The following FHIP1B variants were observed in gnomAD, a reference collection of about 807,000 sequenced individuals.
FHIP1B encodes FHF complex subunit HOOK-interacting protein 1B.
FHIP1B carries 28 observed loss-of-function variants against 82.2 expected under a neutral mutation model. The observed-to-expected ratio is 0.34, with a 90% CI of 0.25 to 0.47. The LOEUF is 0.47. FHIP1B is among the 20% of genes least tolerant of loss of function. The pLI, the probability that FHIP1B is intolerant of heterozygous loss-of-function variation, is 1.00. For missense variants in FHIP1B, 1,110 were observed against 1,262.6 expected (o/e 0.88, Z 1.83); for synonymous variants, 585 against 516.1 (o/e 1.13, Z -1.81).
intron 9 of FHIP1B, among the ~76,000 whole-genome samples, chr11:6,216,093 A>G (rs1847218217): frequency 6.6e-6 from 1 of 152,268 alleles, no homozygotes; most frequent in African/African-American, 2.4e-5. Flanking sequence ...GCTTCAATTA[A>G]TACTTCAAGA....
At chr11:6,213,422 T>C (rs950944640) in intron 11 of FHIP1B, among the ~76,000 whole-genome samples, 1 of 152,222 alleles carries the variant, frequency 6.6e-6, no homozygotes, top group African/African-American at 2.4e-5. Context: ...CAAAAAGCCT[T>C]TTCCTGTCCA....
At chr11:6,211,954 T>C in intron 11 of FHIP1B, 87 bp from the exon 12 acceptor site, 4 of 1,474,734 alleles carry the variant, frequency 2.7e-6, no homozygotes, top group East Asian at 2.4e-5. Flanking sequence ...CCCCCTAGGT[T>C]CTTGGACTTC....
chr11:6,211,738 C>T lies in FHIP1B; in HGVS notation c.2687G>A (p.Gly896Asp), dbSNP rs370304342. Reference sequence around the variant, plus strand: ...AACTGGAGTTGAAGCCCCAGGGGAGCCCCCACTTAGGCCAAGTCCTGCTCC... The same window carrying T: ...AACTGGAGTTGAAGCCCCAGGGGAGTCCCCACTTAGGCCAAGTCCTGCTCC... ...RDGAGLGLSGGSPGASTPVLL... is the reference protein window; with the variant it reads ...RDGAGLGLSGDSPGASTPVLL... The change falls in exon 12 of 12, where the codon GGC becomes GAC. Residue 896 changes from glycine (G) to aspartate (D), a missense_variant. Physicochemically the swap from Gly to Asp is moderately conservative, Grantham distance 94. Around this residue, in one of 6 missense-constraint regions of FHIP1B, gnomAD observed 147 missense variants for 154.0 expected, o/e 0.95. Transcript: ENST00000449352. 3 of 1,614,084 alleles carry T rather than the reference C, an allele frequency of 1.9e-6. No individual in the cohort carries two copies. Among genetic ancestry groups the T allele is most frequent in the African/African-American group, 2.7e-5 (2 of 74,958 alleles).
intron 9 of FHIP1B, chr11:6,216,541 T>C (rs1222619321): frequency 6.4e-6 from 1 of 155,686 alleles, no homozygotes; most frequent in Non-Finnish European, 1.4e-5. Flanking sequence ...GTGGGTTTGT[T>C]TTTTGTTTGG....
intron 1 of FHIP1B, among the ~76,000 whole-genome samples, chr11:6,226,433 TA>T (rs1444695360): frequency 6.6e-6 from 1 of 152,206 alleles, no homozygotes; most frequent in Non-Finnish European, 1.5e-5. Flanking sequence ...ACAAATATTG[TA>T]AATAGAAGTA....
Position 6,224,474 on chromosome 11 carries a change from G to C in FHIP1B, c.43C>G (p.Pro15Ala), listed in dbSNP as rs1847508651. The C allele has an allele frequency of 2.5e-6, 4 of 1,614,008 alleles. No individual in the cohort carries two copies. Among genetic ancestry groups the C allele is most frequent in the Non-Finnish European group, 3.4e-6 (4 of 1,179,934 alleles). Residue 15 changes from proline to alanine, a missense_variant, in exon 2 of 12, where the codon CCT (proline) becomes GCT (alanine). By Grantham distance (27) the Pro-to-Ala change is conservative. Coordinates refer to ENST00000449352, the MANE Select transcript of FHIP1B (RefSeq NM_001098794.2). ...GCCCCTTGAGGTATACGGTGCCCAG[G>C]GCCCCGGGAGGCCAGTCTGCTCAGC... ...NWLSRLASRG[P>A]GHRIPQGANL...
intron 11 of FHIP1B, 46 bp from the exon 12 acceptor site, chr11:6,211,913 C>T: frequency 6.7e-7 from 1 of 1,495,224 alleles, no homozygotes; most frequent in South Asian, 1.4e-5. Context: ...ATCAGGGAAC[C>T]TCCCTTGGAC....
In FHIP1B at chr11:6,223,404, G is replaced by A. The variant is rs1433298601; in HGVS notation, c.778-166C>T. 2.6e-5 allele frequency among the ~76,000 whole-genome samples: 4 copies of A among 152,294 alleles called. No individual in the cohort carries two copies. The highest frequency in any genetic ancestry group is 2.6e-4 in the Admixed American group (4 of 15,304). Reference sequence around the variant, plus strand: ...GCCTGAAACTCACCTAGAATTCACAGGCCTACAAAGAGACTTAGTATCTGC... The same window carrying A: ...GCCTGAAACTCACCTAGAATTCACAAGCCTACAAAGAGACTTAGTATCTGC... On this transcript the variant is annotated intron_variant, in intron 3 of 11. Coordinates refer to ENST00000449352, the MANE Select transcript of FHIP1B (RefSeq NM_001098794.2). This position sits in a 1 kb window ranked among gnomAD's most constrained non-coding sequence, Gnocchi z 4.8.
Position 6,214,395 on chromosome 11 carries a change from G to C in FHIP1B, c.2557+16C>G. 6.3e-7 allele frequency: 1 copy of C among 1,593,774 alleles called. No individual in the cohort carries two copies. Among genetic ancestry groups the C allele is most frequent in the Middle Eastern group, 2.1e-4 (1 of 4,834 alleles). On this transcript the variant is annotated intron_variant, in intron 11 of 11. Transcript: ENST00000449352. Reference sequence around the variant, plus strand: ...TCTAGGGAGGGCAGGTACGGGTGTGGTGGGATAGGCCTCACCTAGGGGATC... The same window carrying C: ...TCTAGGGAGGGCAGGTACGGGTGTGCTGGGATAGGCCTCACCTAGGGGATC...
Position 6,224,402 on chromosome 11 carries a change from C to A in FHIP1B, c.115G>T (p.Val39Phe). Residue 39 changes from valine (V) to phenylalanine (F), a missense_variant, in exon 2 of 12, where the codon GTC becomes TTC. Val to Phe is a conservative substitution (Grantham distance 50, BLOSUM62 -1). This residue lies in a region of FHIP1B where 467 missense variants were observed against 602.9 expected (regional missense o/e 0.77). Coordinates refer to ENST00000449352, the MANE Select transcript of FHIP1B (RefSeq NM_001098794.2). Reference sequence around the variant, plus strand: ...ACCTGGGACCAGTGATTCTTGAAGACCATGAGGCAGGTCTCGGGATCAGCC... The same window carrying A: ...ACCTGGGACCAGTGATTCTTGAAGAACATGAGGCAGGTCTCGGGATCAGCC... ...VMADPETCLMVFKNHWSQVVR... is the reference protein window; with the variant it reads ...VMADPETCLMFFKNHWSQVVR... The A allele has an allele frequency of 6.2e-7, 1 of 1,614,194 alleles. No individual in the cohort carries two copies. Among genetic ancestry groups the A allele is most frequent in the Non-Finnish European group, 8.5e-7 (1 of 1,180,044 alleles).
intron 11 of FHIP1B, among the ~76,000 whole-genome samples, chr11:6,213,312 T>C (rs1357284259): frequency 6.6e-6 from 1 of 152,254 alleles, no homozygotes; most frequent in African/African-American, 2.4e-5. Context: ...TAGTAAATAA[T>C]GAATGATGTG....
Position 6,222,549 on chromosome 11 carries a change from A to G in FHIP1B, c.1084T>C (p.Ser362Pro). ...AAGGTACGGAGCAAAGCAGGCTCTG[A>G]GATACTCCGTAGGAAAAGTTCCAGA... ...AYLELFLRSI[S>P]EPALLRTFLR... is the part of the protein sequence containing the mutation. Residue 362 changes from serine (S) to proline (P), a missense_variant, in exon 6 of 12, where the codon TCA (serine) becomes CCA (proline). Physicochemically the swap from Ser to Pro is moderately conservative, Grantham distance 74. Coordinates refer to ENST00000449352, the MANE Select transcript of FHIP1B (RefSeq NM_001098794.2). The G allele has an allele frequency of 6.2e-7, 1 of 1,614,124 alleles. No individual in the cohort carries two copies. The highest frequency in any genetic ancestry group is 8.5e-7 in the Non-Finnish European group (1 of 1,180,006).
In FHIP1B at chr11:6,211,514, T is replaced by C; in HGVS notation, c.2911A>G (p.Asn971Asp). 4 of 1,593,962 alleles carry C rather than the reference T, an allele frequency of 2.5e-6. No individual in the cohort carries two copies. The highest frequency in any genetic ancestry group is 3.4e-6 in the Non-Finnish European group (4 of 1,171,682). Residue 971 changes from asparagine to aspartate, a missense_variant, in exon 12 of 12, where the codon AAT (asparagine) becomes GAT (aspartate). Around this residue, in one of 6 missense-constraint regions of FHIP1B, gnomAD observed 29 missense variants for 21.5 expected, o/e 1.35. Coordinates refer to ENST00000449352, the MANE Select transcript of FHIP1B (RefSeq NM_001098794.2). ...TTGTCCATGGAAGAAAGTTAAGGAT[T>C]GAGGGGCCCACAGCCTGAGATGAGA... The part of the protein sequence containing the change: ...GPLISGCGPL[N>D]P
At chr11:6,213,447 C>T (rs774932599) in intron 11 of FHIP1B, among the ~76,000 whole-genome samples, 5 of 152,192 alleles carry the variant, frequency 3.3e-5, no homozygotes, top group Non-Finnish European at 7.3e-5. Flanking sequence ...TAATCTTTTT[C>T]TATTGCTCTC....
At chr11:6,211,928 AG>A in intron 11 of FHIP1B, 61 bp from the exon 12 acceptor site, 1 of 1,484,738 alleles carries the variant, frequency 6.7e-7, no homozygotes. Flanking sequence ...TTGGACTGAG[AG>A]GGGAGATTCC....
intron 6 of FHIP1B, 79 bp downstream of exon 6, chr11:6,222,363 A>G: frequency 6.7e-7 from 1 of 1,499,132 alleles, no homozygotes; most frequent in South Asian, 1.2e-5. Context: ...AAAGAAGGGC[A>G]GGAATACCCT....
In FHIP1B at chr11:6,222,555, T is replaced by C. The variant is rs768421756; in HGVS notation, c.1078A>G (p.Ser360Gly). ...CGGAGCAAAGCAGGCTCTGAGATAC[T>C]CCGTAGGAAAAGTTCCAGATAGGCG... ...STAYLELFLR[S>G]ISEPALLRTF... The change falls in exon 6 of 12, where the codon AGT (serine) becomes GGT (glycine). Residue 360 changes from serine (S) to glycine (G), a missense_variant. Physicochemically the swap from Ser to Gly is moderately conservative, Grantham distance 56. This residue lies in a region of FHIP1B where 467 missense variants were observed against 602.9 expected (regional missense o/e 0.77). Coordinates refer to ENST00000449352, the MANE Select transcript of FHIP1B (RefSeq NM_001098794.2). 4.3e-6 allele frequency: 7 copies of C among 1,614,038 alleles called. No individual in the cohort carries two copies. In the South Asian group the frequency reaches 6.6e-5, roughly 15 times the overall value.
rs1847443875 is a variant in FHIP1B at position 6,222,626 on chromosome 11, G to C, written c.1024-17C>G. 1 of 1,612,706 alleles carries C rather than the reference G, an allele frequency of 6.2e-7. No individual in the cohort carries two copies. The highest frequency in any genetic ancestry group is 1.3e-5 in the African/African-American group (1 of 74,870). ...CACAGAGGTCTGCACAAAAAGAAGGGAAAGTCTGGAAATGCACAGCTTCCC... is the reference window on the plus strand; with the variant it reads ...CACAGAGGTCTGCACAAAAAGAAGGCAAAGTCTGGAAATGCACAGCTTCCC... On this transcript the variant is annotated splice_polypyrimidine_tract_variant and intron_variant, in intron 5 of 11. Transcript: ENST00000449352.
intron 1 of FHIP1B, among the ~76,000 whole-genome samples, chr11:6,229,386 T>C (rs780671632): frequency 3.8e-4 from 58 of 152,360 alleles, no homozygotes; most frequent in Non-Finnish European, 7.8e-4. Flanking sequence ...GAAGGTACTC[T>C]GTAAATTACA....
Sources: gnomAD v4.1 joint callset for allele counts (sites outside exome capture counted in the v4.1 genomes callset) on GRCh38, gnomAD v4.1.1 for gene constraint, gnomAD v4.1.1 regional missense constraint, Gnocchi (gnomAD v3.1) non-coding constraint, MANE v1.5 for transcripts, NCBI Gene and HGNC (gene_info 2026-07-23, HGNC 2026-07-21) for gene names.